BNC2: variants seen among roughly 807,000 people sequenced by gnomAD.
BNC2 encodes basonuclin zinc finger protein 2.
Under a neutral mutation model 76.3 loss-of-function variants are expected in BNC2, and 20 were observed. The observed-to-expected ratio is 0.26, with a 90% CI of 0.18 to 0.38. BNC2 has a LOEUF of 0.38. BNC2 is among the 10% of genes least tolerant of loss of function. The pLI, the probability that BNC2 is intolerant of heterozygous loss-of-function variation, is 1.00. For missense variants in BNC2, 1,382 were observed against 1,399.8 expected (o/e 0.99, Z 0.20); for synonymous variants, 582 against 514.8 (o/e 1.13, Z -1.77).
At chr9:16,423,780 G>A (rs1587009974) in intron 6 of BNC2, among the ~76,000 whole-genome samples, 1 of 152,118 alleles carries the variant, frequency 6.6e-6, no homozygotes, top group Admixed American at 6.5e-5. Flanking sequence ...CAAAATTAGG[G>A]CTTGAAAAAG....
In BNC2 at chr9:16,590,242, G is replaced by C. The variant is rs1819887174; in HGVS notation, c.331-7157C>G. On this transcript the variant is annotated intron_variant, in intron 3 of 6. Coordinates refer to ENST00000380672, the MANE Select transcript of BNC2 (RefSeq NM_017637.6). Reference sequence around the variant, plus strand: ...AGTTTTGCTCTTGTTGCCCAGGCTAGAGTGCAATGGCACAATCTTGGCTCG... The same window carrying C: ...AGTTTTGCTCTTGTTGCCCAGGCTACAGTGCAATGGCACAATCTTGGCTCG... Among the ~76,000 whole-genome samples the C allele has an allele frequency of 3.3e-5, 5 of 152,128 alleles. No individual in the cohort carries two copies. In the South Asian group the frequency reaches 1.0e-3, roughly 32 times the overall value.
chr9:16,809,033 T>G (rs1255590505), intron 1 of BNC2, among the ~76,000 whole-genome samples: 1 of 152,160 alleles, frequency 6.6e-6, no homozygotes, highest in African/African-American at 2.4e-5. Context: ...TTCACAGACT[T>G]GGAACCAGGC....
rs184198363 is a variant in BNC2 at position 16,460,990 on chromosome 9, C to T, written c.670-23466G>A. 4.0e-5 allele frequency among the ~76,000 whole-genome samples: 6 copies of T among 151,686 alleles called. No homozygotes were observed. In the East Asian group the frequency reaches 7.7e-4, roughly 20 times the overall value. ...TGTACAACTTGATCTACCAAGACGG[C>T]AGACAAGATAGTATACAGTAAGTAC... On this transcript the variant is annotated intron_variant, in intron 5 of 6. Coordinates refer to ENST00000380672, the MANE Select transcript of BNC2 (RefSeq NM_017637.6).
At chr9:16,460,993 A>G (rs1442004860) in intron 5 of BNC2, among the ~76,000 whole-genome samples, 2 of 151,916 alleles carry the variant, frequency 1.3e-5, no homozygotes, top group African/African-American at 4.8e-5. Context: ...AAGACGGCAG[A>G]CAAGATAGTA....
chr9:16,418,921 C>T lies in BNC2; in HGVS notation c.*68G>A. 6.5e-7 allele frequency: 1 copy of T among 1,544,360 alleles called. No homozygotes were observed. Among genetic ancestry groups the T allele is most frequent in the Admixed American group, 1.7e-5 (1 of 59,806 alleles). ...CACACCCCAAGTACATAAGCGCACA[C>T]TGACTATGGCAGTTCAAACACGTAG... On this transcript the variant is annotated 3_prime_UTR_variant, in exon 7 of 7. Coordinates refer to ENST00000380672, the MANE Select transcript of BNC2 (RefSeq NM_017637.6).
At chr9:16,750,531 C>G (rs9987701) in intron 1 of BNC2, among the ~76,000 whole-genome samples, 130,940 of 152,228 alleles carry the variant, frequency 0.86, 56,719 homozygotes, top group Non-Finnish European at 0.91. Flanking sequence ...CTGTCAGATG[C>G]GAATGGGCAT....
intron 5 of BNC2, among the ~76,000 whole-genome samples, chr9:16,480,771 C>T (rs1024460385): frequency 2.0e-5 from 3 of 152,212 alleles, no homozygotes; most frequent in Admixed American, 1.3e-4. Context: ...ACCTGCAGTC[C>T]GCCATGCCTG....
At chr9:16,565,511 G>A (rs1466010379) in intron 4 of BNC2, among the ~76,000 whole-genome samples, 1 of 152,092 alleles carries the variant, frequency 6.6e-6, no homozygotes, top group Non-Finnish European at 1.5e-5. Context: ...GAAGAAAACA[G>A]ACTTTTAAAA....
At chr9:16,452,509 G>T (rs1455731151) in intron 5 of BNC2, among the ~76,000 whole-genome samples, 1 of 152,022 alleles carries the variant, frequency 6.6e-6, no homozygotes, top group Non-Finnish European at 1.5e-5. Flanking sequence ...TGCAACCTCC[G>T]CCTCCCAGGT....
chr9:16,619,834 A>G (rs1820813484), intron 3 of BNC2, among the ~76,000 whole-genome samples: 3 of 152,180 alleles, frequency 2.0e-5, no homozygotes, highest in Non-Finnish European at 4.4e-5. Flanking sequence ...TGCATGGGGG[A>G]AAGGGGATTT....
intron 5 of BNC2, among the ~76,000 whole-genome samples, chr9:16,511,093 T>A (rs78191851): frequency 0.074 from 11,057 of 149,170 alleles, 1,179 homozygotes; most frequent in African/African-American, 0.24. Flanking sequence ...CTAATGGAGA[T>A]CACTAAACTT....
At chr9:16,546,382 GA>G (rs1464083778) in intron 5 of BNC2, among the ~76,000 whole-genome samples, 1 of 152,244 alleles carries the variant, frequency 6.6e-6, no homozygotes, top group East Asian at 1.9e-4. Context: ...CATCCAACTT[GA>G]AATGCTTTTA....
intron 3 of BNC2, among the ~76,000 whole-genome samples, chr9:16,707,199 C>T (rs564267883): frequency 2.0e-5 from 3 of 151,038 alleles, no homozygotes; most frequent in Admixed American, 1.3e-4. Flanking sequence ...AAGACTCCGC[C>T]CCCCCGCCAA....
At chr9:16,704,402 T>C in intron 3 of BNC2, among the ~76,000 whole-genome samples, 1 of 152,094 alleles carries the variant, frequency 6.6e-6, no homozygotes, top group East Asian at 1.9e-4. Context: ...AACCTGAAGA[T>C]GCTCGTGTGG....
intron 6 of BNC2, among the ~76,000 whole-genome samples, chr9:16,427,985 A>AT (rs772327868): frequency 5.5e-4 from 84 of 152,226 alleles, no homozygotes; most frequent in Middle Eastern, 3.4e-3. Flanking sequence ...TTTAATGTGG[A>AT]TTTTTTATGG....
At position 16,795,987 on chromosome 9, in the gene BNC2, T is replaced by A. The variant is rs141104674; in HGVS notation, c.4-57502A>T. ...TTGCAAAGGAGAGAGCATCCAAGTC[T>A]AACCAGAACTAAGGCTCAGAGAGAC... On this transcript the variant is annotated intron_variant, in intron 1 of 6. Coordinates refer to ENST00000380672, the MANE Select transcript of BNC2 (RefSeq NM_017637.6). 6.3e-4 allele frequency among the ~76,000 whole-genome samples: 96 copies of A among 152,286 alleles called. 3 individuals are homozygous for A. The South Asian group carries it at 0.015, about 23-fold the overall frequency.
chr9:16,713,354 G>C (rs1407995778), intron 3 of BNC2, among the ~76,000 whole-genome samples: 1 of 151,830 alleles, frequency 6.6e-6, no homozygotes, highest in Admixed American at 6.6e-5. Flanking sequence ...CAGAACTCAA[G>C]GGGGCAGAAA....
At chr9:16,785,839 TAC>T (rs1489461113) in intron 1 of BNC2, among the ~76,000 whole-genome samples, 1 of 147,762 alleles carries the variant, frequency 6.8e-6, no homozygotes, top group African/African-American at 2.5e-5. Flanking sequence ...AAAATAAAAA[TAC>T]ACAAAAACTT....
At chr9:16,857,451 T>C (rs540039111) in intron 1 of BNC2, among the ~76,000 whole-genome samples, 1 of 125,788 alleles carries the variant, frequency 7.9e-6, no homozygotes, top group African/African-American at 3.1e-5. Context: ...CACACCAGCC[T>C]GGGCAACAGA....
Sources: gnomAD v4.1 joint callset for allele counts (sites outside exome capture counted in the v4.1 genomes callset) on GRCh38, gnomAD v4.1.1 for gene constraint, MANE v1.5 for transcripts, NCBI Gene and HGNC (gene_info 2026-07-23, HGNC 2026-07-21) for gene names.